The following COBL variants were observed in gnomAD, a reference collection of about 807,000 sequenced individuals.
COBL encodes the protein cordon-bleu WH2 repeat protein.
COBL carries 51 observed loss-of-function variants against 98.8 expected under a neutral mutation model. That is an observed-to-expected ratio of 0.52 (90% confidence interval 0.41 to 0.65). The LOEUF (loss-of-function observed/expected upper bound fraction) is 0.65, where lower values mean the gene tolerates loss of function less well. COBL is among the 30% of genes least tolerant of loss of function. COBL has a pLI of 0.00. For synonymous variants in COBL, 634 were observed against 651.7 expected, an observed-to-expected ratio of 0.97 and a Z score of 0.41; for missense variants, 1,617 against 1,617.5, an observed-to-expected ratio of 1.00 and a Z score of 0.01.
At chr7:51,148,123 T>C (rs1004177253) in intron 5 of COBL, among the ~76,000 whole-genome samples, 1 of 152,178 alleles carries the variant, frequency 6.6e-6, no homozygotes, top group Non-Finnish European at 1.5e-5. Context: ...TGAATAAATA[T>C]TGCTTCTAAG....
At chr7:51,161,460 C>T (rs1183258074) in intron 5 of COBL, among the ~76,000 whole-genome samples, 2 of 152,232 alleles carry the variant, frequency 1.3e-5, no homozygotes, top group African/African-American at 4.8e-5. Flanking sequence ...CCATCAGAAA[C>T]AACGCCACTC....
intron 1 of COBL, among the ~76,000 whole-genome samples, chr7:51,293,454 T>C (rs1006612196): frequency 3.3e-5 from 5 of 152,144 alleles, no homozygotes; most frequent in Admixed American, 1.3e-4. Flanking sequence ...GAAATCATCA[T>C]GCCAAGTGAA....
At position 51,263,534 on chromosome 7, in the gene COBL, A is replaced by G. The variant is rs537027317; in HGVS notation, c.42-43590T>C. Among the ~76,000 whole-genome samples the G allele has an allele frequency of 9.2e-5, 14 of 152,288 alleles. No homozygotes were observed. The East Asian group carries it at 2.1e-3, about 23-fold the overall frequency. Reference sequence around the variant, plus strand: ...GAACCAAGACAATAAAACAGAAAAAAAAGTTCTTTTTTTTTTTCACACAGT... The same window carrying G: ...GAACCAAGACAATAAAACAGAAAAAGAAGTTCTTTTTTTTTTTCACACAGT... On this transcript the variant is annotated intron_variant, in intron 1 of 12. Transcript: ENST00000265136.
At chr7:51,199,760 T>C (rs1790941146) in intron 2 of COBL, among the ~76,000 whole-genome samples, 1 of 151,552 alleles carries the variant, frequency 6.6e-6, no homozygotes, top group African/African-American at 2.4e-5. Flanking sequence ...AGCCTGGTCA[T>C]TTGAAATTAA....
At chr7:51,216,456 C>T (rs898786799) in intron 2 of COBL, among the ~76,000 whole-genome samples, 3 of 152,180 alleles carry the variant, frequency 2.0e-5, no homozygotes, top group African/African-American at 7.2e-5. Context: ...CAGGCATGAG[C>T]CACTGCACCT....
At chr7:51,168,282 C>G (rs895622531) in intron 5 of COBL, among the ~76,000 whole-genome samples, 2 of 152,068 alleles carry the variant, frequency 1.3e-5, no homozygotes, top group African/African-American at 4.8e-5. Flanking sequence ...CGCCTGTACT[C>G]CCAGCACTTT....
chr7:51,062,045 A>G (rs540308567), intron 7 of COBL, among the ~76,000 whole-genome samples: 14 of 152,272 alleles, frequency 9.2e-5, no homozygotes, highest in African/African-American at 3.1e-4. Context: ...ATTTTGGAAT[A>G]AATATTCCAT....
chr7:51,062,501 C>T (rs1220130189), intron 7 of COBL, among the ~76,000 whole-genome samples: 2 of 152,184 alleles, frequency 1.3e-5, no homozygotes, highest in East Asian at 1.9e-4. Context: ...CCAATTAACA[C>T]TGCTGGTTTC....
chr7:51,242,007 C>T (rs1457276664), intron 1 of COBL, among the ~76,000 whole-genome samples: 4 of 152,198 alleles, frequency 2.6e-5, no homozygotes, highest in African/African-American at 7.2e-5. Flanking sequence ...CCCTTTCCTG[C>T]GTACAGATGA....
intron 5 of COBL, among the ~76,000 whole-genome samples, chr7:51,174,660 A>G (rs1327689751): frequency 6.6e-6 from 1 of 152,104 alleles, no homozygotes; most frequent in Admixed American, 6.5e-5. Flanking sequence ...CTCCTACCCT[A>G]TAGCCCAACA....
chr7:51,156,308 C>T, intron 5 of COBL: 1 of 985,174 alleles, frequency 1.0e-6, no homozygotes, highest in African/African-American at 1.7e-5. Flanking sequence ...CCATGATGTC[C>T]AGACAGTAGT....
At chr7:51,027,135 G>A (rs1787655351) in intron 10 of COBL, among the ~76,000 whole-genome samples, 3 of 152,218 alleles carry the variant, frequency 2.0e-5, no homozygotes, top group South Asian at 2.1e-4. Context: ...GACCTTGGAC[G>A]AGGCCCCTTG....
At chr7:51,233,645 T>C (rs1794975866) in intron 1 of COBL, among the ~76,000 whole-genome samples, 1 of 152,200 alleles carries the variant, frequency 6.6e-6, no homozygotes, top group African/African-American at 2.4e-5. Flanking sequence ...TAGCCCGCTC[T>C]CCACACAGCG....
intron 1 of COBL, among the ~76,000 whole-genome samples, chr7:51,316,094 C>T (rs533299602): frequency 2.0e-5 from 3 of 152,312 alleles, no homozygotes; most frequent in East Asian, 3.9e-4. Flanking sequence ...CCGGGGAGCC[C>T]TCCCCTCCAC....
chr7:51,181,871 G>GA (rs1788998754), intron 5 of COBL, among the ~76,000 whole-genome samples: 1 of 152,172 alleles, frequency 6.6e-6, no homozygotes, highest in Admixed American at 6.5e-5. Flanking sequence ...AAAGTCCCTT[G>GA]CAATCCACGG....
At chr7:51,132,804 T>C (rs1344171492) in intron 6 of COBL, among the ~76,000 whole-genome samples, 2 of 152,080 alleles carry the variant, frequency 1.3e-5, no homozygotes, top group Admixed American at 6.5e-5. Flanking sequence ...GCATGTCACA[T>C]GGTGAGAGAG....
rs564938554 is a variant in COBL, at chr7:51,267,976, C to A, written c.42-48032G>T. Among the ~76,000 whole-genome samples the A allele has an allele frequency of 5.3e-4, 81 of 152,294 alleles. 1 individual carries two copies. Among genetic ancestry groups the A allele is most frequent in the Admixed American group, 4.6e-3 (70 of 15,298 alleles). On this transcript the variant is annotated intron_variant, in intron 1 of 12. Transcript: ENST00000265136. ...ACGAAGCACACCCGGGGGCCTGTACCTCCACTTTTGAGACCACGGCTCTAT... is the reference window on the plus strand; with the variant it reads ...ACGAAGCACACCCGGGGGCCTGTACATCCACTTTTGAGACCACGGCTCTAT...
intron 1 of COBL, among the ~76,000 whole-genome samples, chr7:51,271,879 A>C (rs557412638): frequency 1.0e-3 from 153 of 152,254 alleles, no homozygotes; most frequent in African/African-American, 3.5e-3. Flanking sequence ...AAAAATACAA[A>C]AATTATGGGC....
chr7:51,187,928 G>A, intron 4 of COBL: 1 of 1,232,468 alleles, frequency 8.1e-7, no homozygotes, highest in Non-Finnish European at 1.0e-6. Context: ...ACAGCTCAGG[G>A]AAGGCTCGGA....
Sources: allele counts gnomAD v4.1 joint callset (sites outside exome capture counted in the v4.1 genomes callset), GRCh38; gene constraint gnomAD v4.1.1; transcripts MANE v1.5; gene names NCBI Gene and HGNC (gene_info 2026-07-23, HGNC 2026-07-21).